The following CAPN7 variants were observed in gnomAD, a reference collection of about 807,000 sequenced individuals.
CAPN7 encodes the protein calpain-7.
CAPN7 carries 72 observed loss-of-function variants against 115.2 expected under a neutral mutation model. The ratio of observed to expected loss-of-function variants is 0.63; its 90% CI spans 0.52 to 0.76. CAPN7 has a LOEUF of 0.76. CAPN7 is among the 30% of genes least tolerant of loss of function. The pLI, the probability that CAPN7 is intolerant of heterozygous loss-of-function variation, is 0.00. For synonymous variants in CAPN7, 344 were observed against 322.3 expected (o/e 1.07, Z -0.72); for missense variants, 905 against 971.5 (o/e 0.93, Z 0.91).
chr3:15,209,325 T>C (rs2044809846), intron 1 of CAPN7, among the ~76,000 whole-genome samples: 1 of 152,204 alleles, frequency 6.6e-6, no homozygotes, highest in Non-Finnish European at 1.5e-5. Context: ...TTTTCTTTTT[T>C]TATTGATAGG....
chr3:15,246,790 A>C lies in CAPN7; in HGVS notation c.2069A>C (p.Lys690Thr). ...SKIPSPYTLSKRINGKWSGQS... is the reference protein window; with the variant it reads ...SKIPSPYTLSTRINGKWSGQS... Reference sequence around the variant, plus strand: ...ATTCCTTCACCATACACCTTATCAAAACGGGTGAGAAAATTCATTTGGTTG... The same window carrying C: ...ATTCCTTCACCATACACCTTATCAACACGGGTGAGAAAATTCATTTGGTTG... The change falls in exon 18 of 21, where the codon AAA (lysine) becomes ACA (threonine). Residue 690 changes from lysine to threonine, a missense_variant. By Grantham distance (78) the Lys-to-Thr change is moderately conservative. Around this residue, in one of 3 missense-constraint regions of CAPN7, gnomAD observed 620 missense variants for 703.4 expected, o/e 0.88. Coordinates refer to ENST00000253693, the MANE Select transcript of CAPN7 (RefSeq NM_014296.3). The C allele has an allele frequency of 6.3e-7, 1 of 1,597,116 alleles. No homozygotes were observed. The highest frequency in any genetic ancestry group is 1.1e-5 in the South Asian group (1 of 88,610).
At position 15,247,444 on chromosome 3, in the gene CAPN7, C is replaced by G; in HGVS notation, c.2191C>G (p.Leu731Val). Residue 731 changes from leucine (L) to valine (V), a missense_variant, in exon 19 of 21, where the codon CTA becomes GTA. Physicochemically the swap from Leu to Val is conservative, Grantham distance 32. Transcript: ENST00000253693. ...AAAGACTGGGCCGTTACTGATTGAG[C>G]TACGAGGACCAAGGTTTGTGATGAG... ...IEKTGPLLIE[L>V]RGPRQYSVGF... 1 of 1,598,852 alleles carries G rather than the reference C, an allele frequency of 6.3e-7. No homozygotes were observed. The highest frequency in any genetic ancestry group is 8.5e-7 in the Non-Finnish European group (1 of 1,175,216).
intron 6 of CAPN7, among the ~76,000 whole-genome samples, chr3:15,225,397 A>G (rs1694254030): frequency 6.6e-6 from 1 of 152,328 alleles, no homozygotes; most frequent in East Asian, 1.9e-4. Flanking sequence ...ACAATATTCA[A>G]ATAGAGATGT....
rs543985855 is a variant in CAPN7 at position 15,221,402 on chromosome 3, A to G, written c.638+421A>G. 2.0e-3 allele frequency among the ~76,000 whole-genome samples: 277 copies of G among 139,316 alleles called. 4 individuals carry two copies. Among genetic ancestry groups the G allele is most frequent in the Non-Finnish European group, 1.1e-3 (76 of 66,104 alleles). 91.4% of individuals were successfully genotyped at this position (139,316 alleles called of 152,430 possible). A position where few individuals can be genotyped will look rare whatever the true frequency, so the allele number is the denominator to read the frequency against. On this transcript the variant is annotated intron_variant, in intron 5 of 20. Coordinates refer to ENST00000253693, the MANE Select transcript of CAPN7 (RefSeq NM_014296.3). ...GAGACAGGGTTTCATAATGTTGGCC[A>G]GGCTGGTCTCGAGCTCCTGACCTCA... is the stretch of plus-strand genomic sequence containing the variant.
rs540304739 is a variant in CAPN7 at position 15,212,230 on chromosome 3, A to G, written c.211+18A>G. The G allele has an allele frequency of 2.8e-5, 38 of 1,368,596 alleles. No individual in the cohort carries two copies. Among genetic ancestry groups the G allele is most frequent in the South Asian group, 2.6e-4 (20 of 77,380 alleles). 84.8% of individuals were successfully genotyped at this position (1,368,596 alleles called of 1,614,324 possible). ...TTCAGCAGGTTAGTAAAGGACTACT[A>G]AACTTGTCACTCTATTTTTTCTTTT... is the stretch of plus-strand genomic sequence containing the variant. On this transcript the variant is annotated intron_variant, in intron 2 of 20. Coordinates refer to ENST00000253693, the MANE Select transcript of CAPN7 (RefSeq NM_014296.3).
At chr3:15,243,335 TC>T (rs1296690902) in intron 16 of CAPN7, among the ~76,000 whole-genome samples, 1 of 152,152 alleles carries the variant, frequency 6.6e-6, no homozygotes, top group African/African-American at 2.4e-5. Context: ...CTTGTCATAA[TC>T]AGGAAAATGA....
intron 19 of CAPN7, among the ~76,000 whole-genome samples, chr3:15,249,732 C>G (rs376262158): frequency 1.3e-5 from 2 of 151,814 alleles, no homozygotes; most frequent in Non-Finnish European, 2.9e-5. Flanking sequence ...TCTTTCCTGT[C>G]CCATAGGCCT....
At position 15,251,944 on chromosome 3, in the gene CAPN7, G is replaced by T. The variant is rs1341587174; in HGVS notation, c.*684G>T. 1 of 152,166 alleles carries T rather than the reference G, an allele frequency of 6.6e-6. No homozygotes were observed. Among genetic ancestry groups the T allele is most frequent in the Admixed American group, 6.5e-5 (1 of 15,272 alleles). The allele number at this position is 152,166 out of a possible 1,614,324, so 9.4% of individuals were successfully genotyped here. ...CAAGAACTTAAAGAAATTCACTACT[G>T]CAGTTTTTATTTTTAAAAAACAGTA... On this transcript the variant is annotated 3_prime_UTR_variant, in exon 21 of 21. Transcript: ENST00000253693.
chr3:15,235,865 T>C (rs183797799), intron 12 of CAPN7, among the ~76,000 whole-genome samples: 5 of 152,210 alleles, frequency 3.3e-5, no homozygotes, highest in East Asian at 1.9e-4. Flanking sequence ...TAAATACTTA[T>C]GAAAGTGGGC....
Position 15,221,079 on chromosome 3 carries a change from C to A in CAPN7, c.638+98C>A, listed in dbSNP as rs17040866. On this transcript the variant is annotated intron_variant, in intron 5 of 20. Transcript: ENST00000253693. ...TTGCTGAATTGTATTCAGATTTCTCCTATAGTGTATTGTGCTGTTATTATG... is the reference window on the plus strand; with the variant it reads ...TTGCTGAATTGTATTCAGATTTCTCATATAGTGTATTGTGCTGTTATTATG... 9 of 916,998 alleles carry A rather than the reference C, an allele frequency of 9.8e-6. No homozygotes were observed. In the African/African-American group the frequency reaches 1.5e-4, roughly 15 times the overall value. The allele number at this position is 916,998 out of a possible 1,614,324, so 56.8% of individuals were successfully genotyped here.
intron 12 of CAPN7, among the ~76,000 whole-genome samples, chr3:15,238,610 A>G (rs1695144340): frequency 6.6e-6 from 1 of 151,956 alleles, no homozygotes; most frequent in Non-Finnish European, 1.5e-5. Context: ...TTGTTTGACT[A>G]CCTCTAATCT....
chr3:15,234,015 C>T (rs1194577448), intron 11 of CAPN7, 42 bp downstream of exon 11: 14 of 1,090,566 alleles, frequency 1.3e-5, no homozygotes, highest in Admixed American at 3.6e-5. Context: ...TAAATGTGGC[C>T]GTTTAAAAAC....
intron 19 of CAPN7, among the ~76,000 whole-genome samples, chr3:15,248,053 A>C (rs1247398163): frequency 6.6e-6 from 1 of 152,040 alleles, no homozygotes; most frequent in Non-Finnish European, 1.5e-5. Context: ...GAGGGATAGC[A>C]CTGGGAGATA....
intron 4 of CAPN7, among the ~76,000 whole-genome samples, chr3:15,220,088 C>G (rs1189119776): frequency 6.6e-6 from 1 of 152,054 alleles, no homozygotes; most frequent in African/African-American, 2.4e-5. Flanking sequence ...ATAATCCCAG[C>G]TACTCAGAAG....
intron 6 of CAPN7, among the ~76,000 whole-genome samples, chr3:15,226,030 A>G (rs925878456): frequency 6.6e-6 from 1 of 152,146 alleles, no homozygotes; most frequent in Non-Finnish European, 1.5e-5. Context: ...TTACTTTTAA[A>G]ATAATAAAAT....
chr3:15,224,280 CT>C (rs1184824890), intron 6 of CAPN7, among the ~76,000 whole-genome samples: 9 of 134,438 alleles, frequency 6.7e-5, no homozygotes, highest in African/African-American at 1.7e-4. Context: ...TTTTTTTTTT[CT>C]TTTTTTTTGA....
At chr3:15,206,868 G>T (rs1162195285) in intron 1 of CAPN7, among the ~76,000 whole-genome samples, 1 of 152,280 alleles carries the variant, frequency 6.6e-6, no homozygotes, top group Admixed American at 6.5e-5. Flanking sequence ...CGCTTTGGGG[G>T]GCAGGTGTTA....
In CAPN7 at chr3:15,217,537, T is replaced by A. The variant is rs771111020; in HGVS notation, c.324T>A (p.Asp108Glu). Reference protein sequence around the residue: ...FDEDEKENVEDAIELYTEAVD... With the variant: ...FDEDEKENVEEAIELYTEAVD... ...AAGATGAAAAAGAGAATGTTGAAGA[T>A]GCTATAGAATTGTACACAGAAGCTG... Residue 108 changes from aspartate (D) to glutamate (E), a missense_variant, in exon 3 of 21, where the codon GAT becomes GAA. Asp to Glu is a conservative substitution (Grantham distance 45, BLOSUM62 2). This residue lies in a region of CAPN7 where 271 missense variants were observed against 239.6 expected (regional missense o/e 1.13). Coordinates refer to ENST00000253693, the MANE Select transcript of CAPN7 (RefSeq NM_014296.3). The A allele has an allele frequency of 1.2e-6, 2 of 1,613,902 alleles. No homozygotes were observed. Among genetic ancestry groups the A allele is most frequent in the Non-Finnish European group, 1.7e-6 (2 of 1,179,904 alleles).
chr3:15,250,185 C>A (rs1277912255), intron 19 of CAPN7, among the ~76,000 whole-genome samples: 3 of 151,360 alleles, frequency 2.0e-5, no homozygotes, highest in Non-Finnish European at 4.4e-5. Context: ...CCAGCCTGGG[C>A]AGCATAGTGA....
Sources: gnomAD v4.1 joint callset for allele counts (sites outside exome capture counted in the v4.1 genomes callset) on GRCh38, gnomAD v4.1.1 for gene constraint, gnomAD v4.1.1 regional missense constraint, MANE v1.5 for transcripts, NCBI Gene and HGNC (gene_info 2026-07-23, HGNC 2026-07-21) for gene names.